The following MAP7D2 variants were observed in gnomAD, a reference collection of about 807,000 sequenced individuals.
The protein encoded by MAP7D2 is MAP7 domain containing 2, also known as MAP7 domain-containing protein 2.
Under a neutral mutation model 63.5 loss-of-function variants are expected in MAP7D2, and 33 were observed. That is an observed-to-expected ratio of 0.52 (90% confidence interval 0.39 to 0.70). MAP7D2 has a LOEUF of 0.70. Ranked by LOEUF, MAP7D2 falls within the 30% of genes least tolerant of loss-of-function variation. MAP7D2 has a pLI of 0.00. For synonymous variants in MAP7D2, 224 were observed against 223.7 expected (o/e 1.00, Z -0.01); for missense variants, 626 against 604.0 (o/e 1.04, Z -0.38).
intron 1 of MAP7D2, among the ~76,000 whole-genome samples, chrX:20,085,089 C>T: frequency 8.9e-6 from 1 of 111,991 alleles, no homozygotes; most frequent in East Asian, 2.8e-4. Flanking sequence ...GGAGGTCAAA[C>T]ACACGCCATC....
intron 3 of MAP7D2, among the ~76,000 whole-genome samples, chrX:20,058,531 G>A (rs1418148723): frequency 9.0e-6 from 1 of 111,661 alleles, no homozygotes; most frequent in East Asian, 2.8e-4. Flanking sequence ...GGGCACCCTT[G>A]TAAGGGAATG....
At chrX:20,091,820 T>C (rs1367028123) in intron 1 of MAP7D2, among the ~76,000 whole-genome samples, 2 of 112,127 alleles carry the variant, frequency 1.8e-5, no homozygotes, top group Non-Finnish European at 3.8e-5. Flanking sequence ...AAAAACAATC[T>C]GTAGATAGAC....
chrX:20,093,475 G>A, intron 1 of MAP7D2, among the ~76,000 whole-genome samples: 1 of 111,002 alleles, frequency 9.0e-6, no homozygotes, highest in Non-Finnish European at 1.9e-5. Context: ...TGGTCAACAT[G>A]GTGAAACCCC....
At chrX:20,065,984 G>A (rs2065350664) in intron 1 of MAP7D2, among the ~76,000 whole-genome samples, 1 of 106,656 alleles carries the variant, frequency 9.4e-6, no homozygotes, top group Admixed American at 1.0e-4. Context: ...CTGCAGTGGT[G>A]CAATCTCGGC....
chrX:20,018,084 A>C (rs752322918), intron 10 of MAP7D2, among the ~76,000 whole-genome samples: 2 of 107,756 alleles, frequency 1.9e-5, no homozygotes, highest in South Asian at 8.2e-4. Flanking sequence ...CTCCTGCCTC[A>C]GCCTCCCAAC....
intron 10 of MAP7D2, among the ~76,000 whole-genome samples, chrX:20,017,819 T>C (rs772459130): frequency 2.7e-5 from 3 of 112,000 alleles, no homozygotes; most frequent in African/African-American, 9.7e-5. Flanking sequence ...TGAAGTACCA[T>C]TTCATTTCTT....
chrX:20,025,960 A>G lies in MAP7D2; in HGVS notation c.1008-8T>C. 5 of 1,207,776 alleles carry G rather than the reference A, an allele frequency of 4.1e-6. 1 individual carries two copies. The South Asian group carries it at 7.1e-5, about 17-fold the overall frequency. Reference sequence around the variant, plus strand: ...TAAGCTTTAGTAGCTGTCCTGGAAAACAAAAAATATGCCAGAGGATGATTA... The same window carrying G: ...TAAGCTTTAGTAGCTGTCCTGGAAAGCAAAAAATATGCCAGAGGATGATTA... On this transcript the variant is annotated splice_region_variant and splice_polypyrimidine_tract_variant and intron_variant, in intron 8 of 16. Transcript: ENST00000379643.
At chrX:20,083,331 T>C (rs1052170653) in intron 1 of MAP7D2, among the ~76,000 whole-genome samples, 2 of 112,119 alleles carry the variant, frequency 1.8e-5, no homozygotes, top group East Asian at 2.8e-4. Flanking sequence ...CTTTTGGCCA[T>C]TCCACAGAAA....
intron 5 of MAP7D2, among the ~76,000 whole-genome samples, chrX:20,051,570 A>C (rs974651951): frequency 2.2e-4 from 24 of 110,310 alleles, no homozygotes; most frequent in African/African-American, 4.6e-4. Context: ...CAAAAAAAAA[A>C]CAAAAAAAAC....
intron 1 of MAP7D2, among the ~76,000 whole-genome samples, chrX:20,105,918 T>C (rs1244788984): frequency 3.6e-5 from 4 of 112,263 alleles, no homozygotes; most frequent in Non-Finnish European, 5.6e-5. Context: ...CAAATTTACT[T>C]GGCTCACAAT....
rs190508057 is a variant in MAP7D2 at position 20,019,352 on chromosome X, C to T, written c.1413-3027G>A. On this transcript the variant is annotated intron_variant, in intron 10 of 16. Coordinates refer to ENST00000379643, the MANE Select transcript of MAP7D2 (RefSeq NM_001168465.2). The stretch of plus-strand genomic sequence containing the variant: ...CTGTGTGTAGTCCTGTCACCCTCTC[C>T]ATCCTTGTTCTTGTCATTCACCCAA... Among the ~76,000 whole-genome samples, 459 of 111,791 alleles carry T rather than the reference C, an allele frequency of 4.1e-3. 1 individual carries two copies. Among genetic ancestry groups the T allele is most frequent in the Non-Finnish European group, 7.4e-3 (393 of 53,106 alleles).
intron 8 of MAP7D2, among the ~76,000 whole-genome samples, chrX:20,036,020 G>T (rs1474499174): frequency 9.1e-6 from 1 of 110,107 alleles, no homozygotes; most frequent in Non-Finnish European, 1.9e-5. Flanking sequence ...TATTCTAAGT[G>T]AACTAATGCA....
chrX:20,087,991 G>A (rs779734642), intron 1 of MAP7D2, among the ~76,000 whole-genome samples: 9 of 97,903 alleles, frequency 9.2e-5, no homozygotes, highest in Non-Finnish European at 1.6e-4. Flanking sequence ...CCAGGTTCAC[G>A]CAATTCTCCT....
chrX:20,081,309 G>T (rs1173861943), intron 1 of MAP7D2, among the ~76,000 whole-genome samples: 1 of 111,242 alleles, frequency 9.0e-6, no homozygotes, highest in African/African-American at 3.3e-5. Flanking sequence ...TAGCTAAAAA[G>T]AAAAAGAAAG....
At chrX:20,037,836 C>T (rs1354904803) in intron 8 of MAP7D2, among the ~76,000 whole-genome samples, 1 of 111,731 alleles carries the variant, frequency 9.0e-6, no homozygotes, top group East Asian at 2.8e-4. Flanking sequence ...TGCTCACCAA[C>T]GGGTGACCTC....
At chrX:20,054,535 G>A (rs2065024971) in intron 4 of MAP7D2, among the ~76,000 whole-genome samples, 1 of 110,587 alleles carries the variant, frequency 9.0e-6, no homozygotes, top group Non-Finnish European at 1.9e-5. Context: ...CCCTGGCCCG[G>A]GCCCTGGGTG....
chrX:20,012,541 C>T lies in MAP7D2; in HGVS notation c.1886-6G>A, dbSNP rs772926681. On this transcript the variant is annotated splice_polypyrimidine_tract_variant and splice_region_variant and intron_variant, in intron 14 of 16. Transcript: ENST00000379643. The stretch of plus-strand genomic sequence containing the variant: ...GGTGTTCAATCCATTGATTTCTGAT[C>T]GAGAACACAAAGTCCCTTGTGTTAA... The T allele has an allele frequency of 2.6e-6, 3 of 1,159,669 alleles. No individual in the cohort carries two copies. Among genetic ancestry groups the T allele is most frequent in the Admixed American group, 2.5e-5 (1 of 40,020 alleles).
At chrX:20,098,072 C>T (rs2015888248) in intron 1 of MAP7D2, among the ~76,000 whole-genome samples, 2 of 111,293 alleles carry the variant, frequency 1.8e-5, no homozygotes, top group Admixed American at 1.9e-4. Context: ...TTTTTTATGT[C>T]CACAGACATC....
At chrX:20,026,240 G>C (rs1274058846) in intron 8 of MAP7D2, among the ~76,000 whole-genome samples, 1 of 111,748 alleles carries the variant, frequency 8.9e-6, no homozygotes, top group Non-Finnish European at 1.9e-5. Flanking sequence ...GGAGTATTAG[G>C]CACTTCCCTA....
Sources: allele counts gnomAD v4.1 joint callset (sites outside exome capture counted in the v4.1 genomes callset), GRCh38; gene constraint gnomAD v4.1.1; transcripts MANE v1.5; gene names NCBI Gene and HGNC (gene_info 2026-07-23, HGNC 2026-07-21).